Variants in ABCG2 observed in about 807,000 individuals in gnomAD.
ABCG2 encodes the protein ATP binding cassette subfamily G member 2 (JR blood group).
Under a neutral mutation model 73.5 loss-of-function variants are expected in ABCG2, and 80 were observed. The observed-to-expected ratio is 1.09, with a 90% CI of 0.91 to 1.31. ABCG2 has a LOEUF of 1.31. ABCG2 is among the 50% of genes most tolerant of loss of function. The probability of loss-of-function intolerance (pLI) is 0.00; values close to 1 mark genes in which losing one functional copy is unlikely to be tolerated. For synonymous variants in ABCG2, 269 were observed against 282.4 expected, an observed-to-expected ratio of 0.95 and a Z score of 0.48; for missense variants, 796 against 786.2, an observed-to-expected ratio of 1.01 and a Z score of -0.15.
At chr4:88,166,660 T>TG (rs1727532717) in intron 1 of ABCG2, among the ~76,000 whole-genome samples, 1 of 152,148 alleles carries the variant, frequency 6.6e-6, no homozygotes, top group Non-Finnish European at 1.5e-5. Flanking sequence ...AAGCTGCAAA[T>TG]GGGCATGGCT....
At chr4:88,135,894 C>T (rs1253351338) in intron 2 of ABCG2, among the ~76,000 whole-genome samples, 4 of 152,002 alleles carry the variant, frequency 2.6e-5, no homozygotes, top group East Asian at 1.9e-4. Context: ...ATATCCTTAA[C>T]GTACATCCTT....
intron 1 of ABCG2, among the ~76,000 whole-genome samples, chr4:88,194,331 A>G (rs1728840663): frequency 6.6e-6 from 1 of 151,824 alleles, no homozygotes; most frequent in Non-Finnish European, 1.5e-5. Context: ...CGGGCGGATC[A>G]CGAGGTCAGG....
rs775450139 is a variant in ABCG2 at position 88,114,945 on chromosome 4, A to G, written c.943+12T>C. The G allele has an allele frequency of 2.5e-6, 4 of 1,582,140 alleles. No individual in the cohort carries two copies. Among genetic ancestry groups the G allele is most frequent in the South Asian group, 2.3e-5 (2 of 88,556 alleles). On this transcript the variant is annotated intron_variant, in intron 8 of 15. Transcript: ENST00000237612. ...TTAGGCAAAAATCTGGGACTGTAAC[A>G]GATTCATATACCTTTAAAGTCTTCT...
intron 1 of ABCG2, among the ~76,000 whole-genome samples, chr4:88,191,318 T>G (rs562876990): frequency 6.7e-6 from 1 of 149,018 alleles, no homozygotes; most frequent in Non-Finnish European, 1.5e-5. Context: ...ACATTTCACC[T>G]AAGATATATG....
At chr4:88,130,070 GAAAT>G (rs1430559292) in intron 5 of ABCG2, among the ~76,000 whole-genome samples, 1 of 152,156 alleles carries the variant, frequency 6.6e-6, no homozygotes, top group Non-Finnish European at 1.5e-5. Flanking sequence ...ACATAAATGA[GAAAT>G]AAATCCTAAT....
At chr4:88,215,694 A>C (rs1030983001) in intron 1 of ABCG2, among the ~76,000 whole-genome samples, 1 of 152,240 alleles carries the variant, frequency 6.6e-6, no homozygotes, top group Admixed American at 6.5e-5. Context: ...AGTAAACCAC[A>C]GAGATGGAAT....
intron 11 of ABCG2, 63 bp from the exon 12 acceptor site, chr4:88,099,511 G>C: frequency 2.0e-6 from 3 of 1,503,760 alleles, no homozygotes; most frequent in South Asian, 1.4e-5. Flanking sequence ...GGGCAGGCTA[G>C]ACTTGTCTGT....
At chr4:88,103,253 T>A (rs1270401069) in intron 10 of ABCG2, among the ~76,000 whole-genome samples, 2 of 152,216 alleles carry the variant, frequency 1.3e-5, no homozygotes, top group South Asian at 4.1e-4. Flanking sequence ...CTTAAATCTA[T>A]CAGTACAGTA....
At chr4:88,109,162 C>T (rs1415767778) in intron 9 of ABCG2, among the ~76,000 whole-genome samples, 1 of 151,972 alleles carries the variant, frequency 6.6e-6, no homozygotes, top group East Asian at 1.9e-4. Context: ...CCAAGCCCAG[C>T]TAATTTTTTG....
At chr4:88,165,235 T>A (rs1325128144) in intron 1 of ABCG2, among the ~76,000 whole-genome samples, 3 of 152,236 alleles carry the variant, frequency 2.0e-5, no homozygotes, top group African/African-American at 7.2e-5. Flanking sequence ...CTATTCGTTT[T>A]CTATTGCTGC....
chr4:88,125,631 A>G (rs1397841859), intron 5 of ABCG2, among the ~76,000 whole-genome samples: 1 of 149,784 alleles, frequency 6.7e-6, no homozygotes, highest in African/African-American at 2.4e-5. Flanking sequence ...AAAAAAAAAA[A>G]AAAAACTGTA....
rs1325144913 is a variant in ABCG2 at position 88,115,036 on chromosome 4, A to G, written c.864T>C (p.Asn288=). 2.5e-6 allele frequency: 4 copies of G among 1,612,426 alleles called. No individual in the cohort carries two copies. The highest frequency in any genetic ancestry group is 2.2e-5 in the East Asian group (1 of 44,782). Residue 288 remains asparagine, a synonymous_variant, in exon 8 of 16, where the codon AAT becomes AAC. Coordinates refer to ENST00000237612, the MANE Select transcript of ABCG2 (RefSeq NM_004827.3). ...TGTCCAAGAAGAAGTCTGCAGGGTT[A>G]TTATAGGCCTCACAGTGATAACCTA... ...ESAGYHCEAY[N]NPADFFLDII...
intron 10 of ABCG2, 45 bp downstream of exon 10, chr4:88,107,139 G>A: frequency 5.8e-6 from 8 of 1,380,958 alleles, no homozygotes; most frequent in Non-Finnish European, 8.1e-6. Flanking sequence ...TAAGCTTGAA[G>A]AAAGTAACAG....
intron 1 of ABCG2, among the ~76,000 whole-genome samples, chr4:88,153,003 A>G (rs1015471816): frequency 2.0e-5 from 3 of 152,188 alleles, no homozygotes; most frequent in African/African-American, 7.2e-5. Context: ...TATGAATTGA[A>G]AAAAGAACGG....
chr4:88,167,747 T>C lies in ABCG2; in HGVS notation c.-19-27733A>G, dbSNP rs370388561. ...TTACAATCTTGATATGTTAGAGTCA[T>C]CTGACTTAGGACTTTAGTTATAACT... On this transcript the variant is annotated intron_variant, in intron 1 of 15. Transcript: ENST00000515655. Among the ~76,000 whole-genome samples, 175 of 152,262 alleles carry C rather than the reference T, an allele frequency of 1.1e-3. 6 individuals carry two copies. In the South Asian group the frequency reaches 0.035, roughly 30 times the overall value.
chr4:88,155,765 G>T lies in ABCG2; in HGVS notation c.-20+2621C>A, dbSNP rs533391484. On this transcript the variant is annotated intron_variant, in intron 1 of 15. Transcript: ENST00000237612. The stretch of plus-strand genomic sequence containing the variant: ...ACTAAAAACATTAAAAATTAGCTGG[G>T]CGTGGTGGCACATGCCTGTAATCCC... Among the ~76,000 whole-genome samples the T allele has an allele frequency of 1.4e-3, 212 of 152,050 alleles. 6 individuals are homozygous for T. In the South Asian group the frequency reaches 0.015, roughly 10 times the overall value.
Position 88,101,265 on chromosome 4 carries a change from G to A in ABCG2, c.1332C>T (p.Ala444=), listed in dbSNP as rs140681134. 22 of 1,613,916 alleles carry A rather than the reference G, an allele frequency of 1.4e-5. No individual in the cohort carries two copies. The Admixed American group carries it at 2.0e-4, about 15-fold the overall frequency. ...TTNQCFSSVS[A]VELFVVEKKL... The stretch of plus-strand genomic sequence containing the variant: ...TCTTCTCTACCACAAAGAGTTCCAC[G>A]GCTGAAACACTGCTGAAACACTGGT... Residue 444 remains alanine, a synonymous_variant, in exon 11 of 16, where the codon GCC becomes GCT. Coordinates refer to ENST00000237612, the MANE Select transcript of ABCG2 (RefSeq NM_004827.3).
chr4:88,131,664 A>G, intron 4 of ABCG2, 139 bp downstream of exon 4: 1 of 631,122 alleles, frequency 1.6e-6, no homozygotes, highest in Non-Finnish European at 2.7e-6. Flanking sequence ...TCTATGAGAA[A>G]TTAAGAAAAG....
rs1725516449 is a variant in ABCG2, at chr4:88,139,972, A to T, written c.24T>A (p.Val8=). Residue 8 remains valine, a synonymous_variant, in exon 2 of 16, where the codon GTT becomes GTA. Transcript: ENST00000237612. The part of the protein sequence containing the change: MSSSNVE[V]FIPVSQGNTN... The stretch of plus-strand genomic sequence containing the variant: ...TGTTTCCTTGTGACACTGGGATAAA[A>T]ACTTCGACATTACTGGAAGACATCT... 1 of 1,613,976 alleles carries T rather than the reference A, an allele frequency of 6.2e-7. No individual in the cohort carries two copies. Among genetic ancestry groups the T allele is most frequent in the African/African-American group, 1.3e-5 (1 of 74,928 alleles).
Sources: allele counts gnomAD v4.1 joint callset (sites outside exome capture counted in the v4.1 genomes callset), GRCh38; gene constraint gnomAD v4.1.1; transcripts MANE v1.5; gene names NCBI Gene and HGNC (gene_info 2026-07-23, HGNC 2026-07-21).